Variants in RXRG observed in about 807,000 individuals in gnomAD.
The protein encoded by RXRG is retinoic acid receptor RXR-gamma.
RXRG carries 19 observed loss-of-function variants against 49.2 expected under a neutral mutation model. The observed-to-expected ratio is 0.39, with a 90% CI of 0.27 to 0.57. The LOEUF (loss-of-function observed/expected upper bound fraction) is 0.57, where lower values mean the gene tolerates loss of function less well. RXRG is among the 20% of genes least tolerant of loss of function. The pLI, the probability that RXRG is intolerant of heterozygous loss-of-function variation, is 0.64. For missense variants in RXRG, 452 were observed against 592.5 expected (o/e 0.76, Z 2.46); for synonymous variants, 224 against 216.6 (o/e 1.03, Z -0.30).
intron 1 of RXRG, among the ~76,000 whole-genome samples, chr1:165,429,242 C>T (rs1658596331): frequency 6.6e-6 from 1 of 152,182 alleles, no homozygotes; most frequent in Non-Finnish European, 1.5e-5. Context: ...GCTGGATCCA[C>T]AGCCAGTGCA....
At chr1:165,438,623 G>A (rs1309696334) in intron 1 of RXRG, among the ~76,000 whole-genome samples, 6 of 152,132 alleles carry the variant, frequency 3.9e-5, no homozygotes, top group South Asian at 2.1e-4. Flanking sequence ...TCTAGCAGAC[G>A]GAATAAACTT....
chr1:165,422,287 G>T (rs935310438), intron 2 of RXRG, among the ~76,000 whole-genome samples: 1 of 152,226 alleles, frequency 6.6e-6, no homozygotes, highest in Non-Finnish European at 1.5e-5. Flanking sequence ...CCTATTTACA[G>T]ATAAGGACAT....
chr1:165,410,585 C>T, intron 6 of RXRG, 117 bp downstream of exon 6: 1 of 1,162,482 alleles, frequency 8.6e-7, no homozygotes, highest in South Asian at 1.5e-5. Context: ...AGGGTTATTT[C>T]ATCATCAGCA....
intron 2 of RXRG, among the ~76,000 whole-genome samples, chr1:165,422,339 A>G (rs1658348033): frequency 6.6e-6 from 1 of 152,244 alleles, no homozygotes; most frequent in Non-Finnish European, 1.5e-5. Context: ...ATTCAGGAAC[A>G]ATATGGAGAT....
At chr1:165,443,291 C>T (rs1477045849) in intron 1 of RXRG, among the ~76,000 whole-genome samples, 1 of 152,170 alleles carries the variant, frequency 6.6e-6, no homozygotes, top group East Asian at 1.9e-4. Context: ...ACGAATCTGG[C>T]TGAAAATGAG....
In RXRG at chr1:165,411,091, T is replaced by C; in HGVS notation, c.641A>G (p.Gln214Arg). ...ACTCTCAGCTCGCTCTCGGCTCCTC[T>C]GTCTTTCTTCTTGCACAGCTGACAT... is the stretch of plus-strand genomic sequence containing the variant. ...MKREAVQEER[Q>R]RSRERAESEA... is the part of the protein sequence containing the mutation. Residue 214 changes from glutamine to arginine, a missense_variant, in exon 5 of 10, where the codon CAG (glutamine) becomes CGG (arginine). Around this residue, in one of 2 missense-constraint regions of RXRG, gnomAD observed 286 missense variants for 440.9 expected, o/e 0.65. Transcript: ENST00000359842. The C allele has an allele frequency of 1.2e-6, 2 of 1,614,036 alleles. No homozygotes were observed. Among genetic ancestry groups the C allele is most frequent in the Non-Finnish European group, 1.7e-6 (2 of 1,179,962 alleles).
chr1:165,444,788 A>G lies in RXRG; in HGVS notation c.49+57T>C, dbSNP rs182469884. 682 of 1,454,808 alleles carry G rather than the reference A, an allele frequency of 4.7e-4. 3 individuals carry two copies. In the African/African-American group the frequency reaches 8.4e-3, roughly 18 times the overall value. The allele number at this position is 1,454,808 out of a possible 1,614,324, so 90.1% of individuals were successfully genotyped here. On this transcript the variant is annotated intron_variant, in intron 1 of 9. Transcript: ENST00000359842. ...CTAATCCAGTCATTCGTATTTCCCAATTTCTTCTCAGTCTCTCATACAGGT... is the reference window on the plus strand; with the variant it reads ...CTAATCCAGTCATTCGTATTTCCCAGTTTCTTCTCAGTCTCTCATACAGGT...
At chr1:165,442,044 C>T (rs1251598751) in intron 1 of RXRG, among the ~76,000 whole-genome samples, 1 of 152,196 alleles carries the variant, frequency 6.6e-6, no homozygotes, top group Non-Finnish European at 1.5e-5. Context: ...CTTTGCTTCC[C>T]TGGAGATTCT....
At chr1:165,431,017 A>T (rs1340819000) in intron 1 of RXRG, among the ~76,000 whole-genome samples, 1 of 151,956 alleles carries the variant, frequency 6.6e-6, no homozygotes, top group Non-Finnish European at 1.5e-5. Flanking sequence ...GTATCTTAGC[A>T]TTTGTTATAC....
intron 1 of RXRG, among the ~76,000 whole-genome samples, chr1:165,443,924 C>A (rs1659079392): frequency 1.3e-5 from 2 of 152,208 alleles, no homozygotes; most frequent in Admixed American, 6.5e-5. Context: ...TGGCTCCCAG[C>A]AACATAAGCT....
At chr1:165,443,722 G>A (rs752739) in intron 1 of RXRG, among the ~76,000 whole-genome samples, 29,388 of 152,144 alleles carry the variant, frequency 0.19, 3,150 homozygotes, top group Non-Finnish European at 0.24. Flanking sequence ...ACACCTCCTG[G>A]TGACAGAGAT....
chr1:165,441,328 T>C (rs953804760), intron 1 of RXRG, among the ~76,000 whole-genome samples: 3 of 152,232 alleles, frequency 2.0e-5, no homozygotes, highest in Admixed American at 1.3e-4. Flanking sequence ...TGAGGTTGTA[T>C]TGGAGCACCG....
intron 1 of RXRG, among the ~76,000 whole-genome samples, chr1:165,430,414 A>G (rs1161202923): frequency 1.3e-5 from 2 of 152,250 alleles, no homozygotes; most frequent in African/African-American, 2.4e-5. Flanking sequence ...GAGAGCAGGA[A>G]GTGTCAGAAA....
At chr1:165,407,924 G>T (rs958033640) in intron 8 of RXRG, among the ~76,000 whole-genome samples, 2 of 151,198 alleles carry the variant, frequency 1.3e-5, no homozygotes, top group African/African-American at 4.9e-5. Flanking sequence ...CAATCCATCA[G>T]CAAATCACAG....
Position 165,419,964 on chromosome 1 carries a change from T to C in RXRG, c.348A>G (p.Pro116=). The C allele has an allele frequency of 6.2e-7, 1 of 1,613,452 alleles. No individual in the cohort carries two copies. Among genetic ancestry groups the C allele is most frequent in the Non-Finnish European group, 8.5e-7 (1 of 1,179,652 alleles). ...VSSSEDIKPL[P]GLPGIGNMNY... is the part of the protein sequence containing the mutation. ...TCATGTTTCCAATCCCGGGAAGCCCTGGTAAGGGCTTGATGTCCTCTGAAC... is the reference window on the plus strand; with the variant it reads ...TCATGTTTCCAATCCCGGGAAGCCCCGGTAAGGGCTTGATGTCCTCTGAAC... The change falls in exon 3 of 10, where the codon CCA becomes CCG. Residue 116 remains proline (P), a synonymous_variant. Coordinates refer to ENST00000359842, the MANE Select transcript of RXRG (RefSeq NM_006917.5).
chr1:165,419,843 T>C (rs1376563096), intron 3 of RXRG, 27 bp downstream of exon 3: 1 of 1,572,956 alleles, frequency 6.4e-7, no homozygotes, highest in Admixed American at 1.8e-5. Flanking sequence ...GTGGCACTTT[T>C]CAGGGAGTGT....
chr1:165,419,955 G>T lies in RXRG; in HGVS notation c.357C>A (p.Pro119=). 1 of 1,613,256 alleles carries T rather than the reference G, an allele frequency of 6.2e-7. No homozygotes were observed. The highest frequency in any genetic ancestry group is 8.5e-7 in the Non-Finnish European group (1 of 1,179,534). ...ATGGGTAGTTCATGTTTCCAATCCCGGGAAGCCCTGGTAAGGGCTTGATGT... is the reference window on the plus strand; with the variant it reads ...ATGGGTAGTTCATGTTTCCAATCCCTGGAAGCCCTGGTAAGGGCTTGATGT... ...SEDIKPLPGL[P]GIGNMNYPST... is the part of the protein sequence containing the mutation. The change falls in exon 3 of 10, where the codon CCC becomes CCA. Residue 119 remains proline, a synonymous_variant. Coordinates refer to ENST00000359842, the MANE Select transcript of RXRG (RefSeq NM_006917.5).
chr1:165,438,490 GA>G (rs1362559661), intron 1 of RXRG, among the ~76,000 whole-genome samples: 1 of 152,104 alleles, frequency 6.6e-6, no homozygotes, highest in Non-Finnish European at 1.5e-5. Context: ...ATTATATGGG[GA>G]TTAAGCACAC....
intron 3 of RXRG, among the ~76,000 whole-genome samples, chr1:165,418,317 G>T (rs1197496198): frequency 6.6e-6 from 1 of 152,062 alleles, no homozygotes; most frequent in Non-Finnish European, 1.5e-5. Context: ...CTAGGTAGAA[G>T]TCTTCTTAAT....
Sources: allele counts gnomAD v4.1 joint callset (sites outside exome capture counted in the v4.1 genomes callset), GRCh38; gene constraint gnomAD v4.1.1; regional missense constraint gnomAD v4.1.1; transcripts MANE v1.5; gene names NCBI Gene and HGNC (gene_info 2026-07-23, HGNC 2026-07-21).